Variants in COL4A5 observed in about 807,000 individuals in gnomAD.
COL4A5 encodes the protein collagen type IV alpha 5 chain, also known as collagen alpha-5(IV) chain.
A neutral mutation model predicts 130.2 loss-of-function variants in COL4A5; 26 were observed. That is an observed-to-expected ratio of 0.20 (90% CI 0.15 to 0.28). The LOEUF is 0.28. Ranked by LOEUF, COL4A5 falls within the 10% of genes least tolerant of loss-of-function variation. The probability of loss-of-function intolerance (pLI) is 1.00; values close to 1 mark genes in which losing one functional copy is unlikely to be tolerated. For missense variants in COL4A5, 1,131 were observed against 1,344.3 expected, an observed-to-expected ratio of 0.84 and a Z score of 2.48; for synonymous variants, 496 against 439.6, an observed-to-expected ratio of 1.13 and a Z score of -1.60.
At chrX:108,469,008 T>C (rs1487223162) in intron 1 of COL4A5, among the ~76,000 whole-genome samples, 1 of 110,781 alleles carries the variant, frequency 9.0e-6, no homozygotes, top group Non-Finnish European at 1.9e-5. Context: ...AGGTTTTTGA[T>C]TATTGAGTCA....
At chrX:108,597,288 G>T (rs961042550) in intron 23 of COL4A5, 89 bp from the exon 24 acceptor site, 1 of 1,012,100 alleles carries the variant, frequency 9.9e-7, no homozygotes, top group African/African-American at 1.9e-5. Context: ...AAACTGGAGA[G>T]AAGAAAATGT....
At chrX:108,607,946 G>A (rs28765154) in intron 29 of COL4A5, among the ~76,000 whole-genome samples, 11,687 of 111,269 alleles carry the variant, frequency 0.11, 1,309 homozygotes, top group African/African-American at 0.34. Flanking sequence ...GTTAAATTGC[G>A]TGGATATACC....
intron 1 of COL4A5, among the ~76,000 whole-genome samples, chrX:108,526,595 C>CCCTCCCTT (rs1327241159): frequency 3.0e-5 from 1 of 33,286 alleles, no homozygotes; most frequent in Non-Finnish European, 5.4e-5. Flanking sequence ...CTCCCTCCCT[C>CCCTCCCTT]CTTTCTTTCT....
intron 36 of COL4A5, among the ~76,000 whole-genome samples, chrX:108,640,890 TA>T (rs1366866024): frequency 8.9e-6 from 1 of 111,835 alleles, no homozygotes; most frequent in Non-Finnish European, 1.9e-5. Context: ...AAAAATAAAA[TA>T]TTTTTAAGTG....
rs182977747 is a variant in COL4A5 at position 108,579,225 on chromosome X, G to A, written c.780+842G>A. 6.6e-3 allele frequency among the ~76,000 whole-genome samples: 737 copies of A among 111,798 alleles called. 7 individuals are homozygous for A. The highest frequency in any genetic ancestry group is 0.023 in the African/African-American group (702 of 30,785). On this transcript the variant is annotated intron_variant, in intron 13 of 52. Transcript: ENST00000328300. ...AATCACTAATCTACTTCTTGGCTCT[G>A]TAAATTTTTCTATTCTGAATATTTC...
intron 47 of COL4A5, among the ~76,000 whole-genome samples, chrX:108,685,322 T>C (rs2068523012): frequency 8.9e-6 from 1 of 112,093 alleles, no homozygotes; most frequent in South Asian, 3.7e-4. Flanking sequence ...TCTAAGCAAC[T>C]AGTAGAATAC....
intron 1 of COL4A5, among the ~76,000 whole-genome samples, chrX:108,440,817 A>G (rs919079134): frequency 1.7e-4 from 19 of 111,875 alleles, no homozygotes; most frequent in African/African-American, 6.2e-4. Context: ...GAGTGAGGTA[A>G]AGTCTCAGGC....
chrX:108,485,857 A>G lies in COL4A5; in HGVS notation c.81+45651A>G, dbSNP rs758506747. ...CGTGTGCCTCCCCACCCCCAAATCCACTGTCTCCAAGCCCAGCTCAGCACT... is the reference window on the plus strand; with the variant it reads ...CGTGTGCCTCCCCACCCCCAAATCCGCTGTCTCCAAGCCCAGCTCAGCACT... On this transcript the variant is annotated intron_variant, in intron 1 of 52. Transcript: ENST00000328300. Among the ~76,000 whole-genome samples the G allele has an allele frequency of 2.7e-5, 3 of 110,535 alleles. No individual in the cohort carries two copies. The South Asian group carries it at 1.2e-3, about 43-fold the overall frequency.
At chrX:108,573,208 A>G (rs113606254) in intron 8 of COL4A5, among the ~76,000 whole-genome samples, 126 of 109,356 alleles carry the variant, frequency 1.2e-3, no homozygotes, top group African/African-American at 3.7e-3. Flanking sequence ...TTATATTTTT[A>G]CATATTAGGG....
intron 1 of COL4A5, among the ~76,000 whole-genome samples, chrX:108,451,171 A>G (rs1339679679): frequency 9.0e-6 from 1 of 111,403 alleles, no homozygotes; most frequent in African/African-American, 3.3e-5. Context: ...AAAGGACAGG[A>G]ACTCATCCTT....
At chrX:108,518,735 A>G (rs1056999148) in intron 1 of COL4A5, among the ~76,000 whole-genome samples, 3 of 111,923 alleles carry the variant, frequency 2.7e-5, no homozygotes, top group Admixed American at 9.5e-5. Context: ...TGTAGTCATC[A>G]TATTTTAATG....
chrX:108,681,205 T>G (rs1403784868), intron 46 of COL4A5, among the ~76,000 whole-genome samples: 1 of 111,420 alleles, frequency 9.0e-6, no homozygotes, highest in Non-Finnish European at 1.9e-5. Flanking sequence ...GACATTAGCT[T>G]CTATACTAAC....
At chrX:108,601,784 C>G in intron 26 of COL4A5, 101 bp from the exon 27 acceptor site, 1 of 553,944 alleles carries the variant, frequency 1.8e-6, no homozygotes. Flanking sequence ...ATTGCCTCAG[C>G]CTCCCAAAGT....
chrX:108,526,649 T>TTTC (rs2065322669), intron 1 of COL4A5, among the ~76,000 whole-genome samples: 2 of 60,926 alleles, frequency 3.3e-5, no homozygotes, highest in Non-Finnish European at 5.6e-5. Context: ...TCTTTCTTTC[T>TTTC]TTCTTTCTTT....
intron 47 of COL4A5, among the ~76,000 whole-genome samples, chrX:108,683,486 G>T (rs1313068214): frequency 9.0e-6 from 1 of 111,438 alleles, no homozygotes; most frequent in Non-Finnish European, 1.9e-5. Context: ...ACTTTGGGAA[G>T]TATGGCCATT....
At chrX:108,529,135 G>A (rs1442679415) in intron 1 of COL4A5, among the ~76,000 whole-genome samples, 1 of 111,557 alleles carries the variant, frequency 9.0e-6, no homozygotes, top group Non-Finnish European at 1.9e-5. Flanking sequence ...AACCTTACAG[G>A]CCAGAAGAGA....
intron 37 of COL4A5, among the ~76,000 whole-genome samples, chrX:108,660,445 C>T (rs1169693872): frequency 9.0e-6 from 1 of 111,574 alleles, no homozygotes; most frequent in African/African-American, 3.2e-5. Flanking sequence ...ATTCTCTCAC[C>T]GTTAATTTAT....
intron 36 of COL4A5, among the ~76,000 whole-genome samples, chrX:108,654,292 T>C (rs1335585803): frequency 4.5e-5 from 5 of 112,354 alleles, no homozygotes; most frequent in Non-Finnish European, 9.4e-5. Flanking sequence ...GTTATACATA[T>C]GTGAATTATC....
chrX:108,466,304 C>T (rs2064705666), intron 1 of COL4A5, among the ~76,000 whole-genome samples: 2 of 111,624 alleles, frequency 1.8e-5, no homozygotes, highest in Admixed American at 9.5e-5. Context: ...TCTATATTTA[C>T]GTTTTAAGGA....
Sources: gnomAD v4.1 joint callset for allele counts (sites outside exome capture counted in the v4.1 genomes callset) on GRCh38, gnomAD v4.1.1 for gene constraint, MANE v1.5 for transcripts, NCBI Gene and HGNC (gene_info 2026-07-23, HGNC 2026-07-21) for gene names.